The following ANGPTL3 variants were observed in gnomAD, a reference collection of about 807,000 sequenced individuals.
The protein encoded by ANGPTL3 is angiopoietin-related protein 3.
Under a neutral mutation model 52.7 loss-of-function variants are expected in ANGPTL3, and 51 were observed. The observed-to-expected ratio is 0.97, with a 90% confidence interval of 0.77 to 1.22. The LOEUF (loss-of-function observed/expected upper bound fraction) is 1.22, where lower values mean the gene tolerates loss of function less well. ANGPTL3 is among the 50% of genes most tolerant of loss of function. The pLI is 0.00. For missense variants in ANGPTL3, 506 were observed against 520.7 expected (o/e 0.97, Z 0.27); for synonymous variants, 185 against 179.8 (o/e 1.03, Z -0.23).
intron 4 of ANGPTL3, 128 bp downstream of exon 4, chr1:62,602,010 A>G (rs1340809775): frequency 1.6e-6 from 1 of 627,736 alleles, no homozygotes; most frequent in Admixed American, 2.8e-5. Flanking sequence ...TCGTATAAAT[A>G]TAATACTTTT....
rs768908074 is a variant in ANGPTL3 at position 62,602,266 on chromosome 1, T to C, written c.836-19T>C. 1 of 1,570,286 alleles carries C rather than the reference T, an allele frequency of 6.4e-7. No homozygotes were observed. Among genetic ancestry groups the C allele is most frequent in the Non-Finnish European group, 8.8e-7 (1 of 1,141,952 alleles). The stretch of plus-strand genomic sequence containing the variant: ...ACATAAATCTACTAAAAATACATGA[T>C]TTCATTCATTATATTCAGGTAGTCC... On this transcript the variant is annotated intron_variant, in intron 4 of 6. Transcript: ENST00000371129.
intron 5 of ANGPTL3, 68 bp downstream of exon 5, chr1:62,602,448 GGACC>G: frequency 1.4e-6 from 2 of 1,388,200 alleles, no homozygotes; most frequent in South Asian, 2.3e-5. Context: ...AACCTCTTAT[GGACC>G]AGGTATTAGG....
chr1:62,601,231 AT>A (rs1188558496), intron 3 of ANGPTL3, 35 bp downstream of exon 3: 1 of 1,363,918 alleles, frequency 7.3e-7, no homozygotes, highest in Non-Finnish European at 1.0e-6. Flanking sequence ...TCTTGAAGCT[AT>A]TATTATCAAA....
At chr1:62,601,621 C>A in intron 3 of ANGPTL3, 148 bp from the exon 4 acceptor site, 1 of 572,632 alleles carries the variant, frequency 1.7e-6, no homozygotes, top group Middle Eastern at 4.5e-4. Flanking sequence ...TTAAATAACA[C>A]GCCATCTAAG....
In ANGPTL3 at chr1:62,598,787, T is replaced by C. The variant is rs201826477; in HGVS notation, c.587T>C (p.Ile196Thr). The C allele has an allele frequency of 2.4e-5, 39 of 1,601,394 alleles. No homozygotes were observed. In the East Asian group the frequency reaches 8.1e-4, roughly 33 times the overall value. Residue 196 changes from isoleucine to threonine, a missense_variant, in exon 2 of 7, where the codon ATA becomes ACA. Physicochemically the swap from Ile to Thr is moderately conservative, Grantham distance 89. Coordinates refer to ENST00000371129, the MANE Select transcript of ANGPTL3 (RefSeq NM_014495.4). ...YKQLNQQHSQ[I>T]KEIENQLRRT... is the part of the protein sequence containing the mutation. ...CAATTAAACCAACAGCATAGTCAAA[T>C]AAAAGAAATAGAAAATCAGGTAAGT...
In ANGPTL3 at chr1:62,606,009, T is replaced by C. The variant is rs897441955; in HGVS notation, c.*1192T>C. ...TATGGTGACCTACCTTTGTCAATAC[T>C]TAGCATTATGTATTTCAAATTATCC... On this transcript the variant is annotated 3_prime_UTR_variant, in exon 7 of 7. Transcript: ENST00000371129. 2 of 152,072 alleles carry C rather than the reference T, an allele frequency of 1.3e-5. No homozygotes were observed. Among genetic ancestry groups the C allele is most frequent in the Non-Finnish European group, 2.9e-5 (2 of 67,950 alleles). The allele number at this position is 152,072 out of a possible 1,614,324, so 9.4% of individuals were successfully genotyped here.
chr1:62,601,028 C>T (rs1650035541), intron 2 of ANGPTL3, 54 bp from the exon 3 acceptor site: 2 of 1,039,148 alleles, frequency 1.9e-6, no homozygotes, highest in South Asian at 2.6e-5. Flanking sequence ...TCAGATTTCC[C>T]CTAATTGTAT....
intron 4 of ANGPTL3, 93 bp from the exon 5 acceptor site, chr1:62,602,192 A>G: frequency 9.7e-7 from 1 of 1,028,206 alleles, no homozygotes; most frequent in South Asian, 1.3e-5. Flanking sequence ...ACCTTACAAA[A>G]CCACCAATTA....
At chr1:62,598,157 C>A in intron 1 of ANGPTL3, 96 bp downstream of exon 1, 1 of 1,151,434 alleles carries the variant, frequency 8.7e-7, no homozygotes, top group East Asian at 2.7e-5. Context: ...TACTTTGTTG[C>A]ATTGTTGAAA....
intron 4 of ANGPTL3, among the ~76,000 whole-genome samples, 186 bp from the exon 5 acceptor site, chr1:62,602,099 T>C (rs1016095138): frequency 1.3e-5 from 2 of 151,842 alleles, no homozygotes; most frequent in East Asian, 1.9e-4. Flanking sequence ...AAGTTTACTA[T>C]GCCAAAATTC....
At position 62,604,726 on chromosome 1, in the gene ANGPTL3, GATT is replaced by G; in HGVS notation, c.1295_1297del (p.Leu432del). On this transcript the variant is annotated inframe_deletion, in exon 7 of 7. Transcript: ENST00000371129. ...AAATCTAAGCCAGAGAGGAGAAGAG[GATT>G]ATCTTGGAAGTCTCAAAATGGAAGG... The G allele has an allele frequency of 6.2e-7, 1 of 1,613,140 alleles. No homozygotes were observed. The highest frequency in any genetic ancestry group is 8.5e-7 in the Non-Finnish European group (1 of 1,179,380).
At position 62,601,842 on chromosome 1, in the gene ANGPTL3, C is replaced by T. The variant is rs746000132; in HGVS notation, c.795C>T (p.Ser265=). 1 of 1,610,058 alleles carries T rather than the reference C, an allele frequency of 6.2e-7. No homozygotes were observed. Among genetic ancestry groups the T allele is most frequent in the Non-Finnish European group, 8.5e-7 (1 of 1,177,174 alleles). Residue 265 remains serine, a synonymous_variant, in exon 4 of 7, where the codon AGC becomes AGT. Transcript: ENST00000371129. The stretch of plus-strand genomic sequence containing the variant: ...GTGGCATGTATGCCATCAGACCCAG[C>T]AACTCTCAAGTTTTTCATGTCTACT... ...HTSGMYAIRP[S]NSQVFHVYCD...
chr1:62,604,389 T>C, intron 6 of ANGPTL3, 154 bp downstream of exon 6: 1 of 982,102 alleles, frequency 1.0e-6, no homozygotes, highest in Non-Finnish European at 1.5e-6. Flanking sequence ...ATGAAAGTGT[T>C]CATTCTAGTT....
In ANGPTL3 at chr1:62,604,360, C is replaced by T. The variant is rs376536616; in HGVS notation, c.1198+125C>T. The T allele has an allele frequency of 1.4e-4, 164 of 1,186,578 alleles. 1 individual carries two copies. The East Asian group carries it at 3.2e-3, about 23-fold the overall frequency. The allele number at this position is 1,186,578 out of a possible 1,614,324, so 73.5% of individuals were successfully genotyped here. A position where few individuals can be genotyped will look rare whatever the true frequency, so the allele number is the denominator to read the frequency against. ...CCCAAATAAGCGTTTTCTCTCTAGA[C>T]GAAAACCTCTTAACTATAATGAAAG... On this transcript the variant is annotated intron_variant, in intron 6 of 6. Transcript: ENST00000371129.
intron 5 of ANGPTL3, among the ~76,000 whole-genome samples, chr1:62,602,928 A>G (rs1650366495): frequency 6.6e-6 from 1 of 151,904 alleles, no homozygotes; most frequent in Non-Finnish European, 1.5e-5. Context: ...TAAAATAAGC[A>G]AGATAAAATA....
intron 2 of ANGPTL3, among the ~76,000 whole-genome samples, chr1:62,599,990 A>T (rs1465538640): frequency 2.6e-5 from 4 of 152,002 alleles, no homozygotes; most frequent in Non-Finnish European, 5.9e-5. Context: ...CATTTTCAAG[A>T]GATATAAAAC....
In ANGPTL3 at chr1:62,604,130, A is replaced by T. The variant is rs752084515; in HGVS notation, c.1093A>T (p.Ile365Phe). The T allele has an allele frequency of 1.2e-6, 2 of 1,613,430 alleles. No individual in the cohort carries two copies. Among genetic ancestry groups the T allele is most frequent in the East Asian group, 2.2e-5 (1 of 44,836 alleles). Residue 365 changes from isoleucine (I) to phenylalanine (F), a missense_variant, in exon 6 of 7, where the codon ATT becomes TTT. Transcript: ENST00000371129. ...ETNYTLHLVA[I>F]TGNVPNAIPE... ...CAACTATACGCTACATCTAGTTGCGATTACTGGCAATGTCCCCAATGCAAT... is the reference window on the plus strand; with the variant it reads ...CAACTATACGCTACATCTAGTTGCGTTTACTGGCAATGTCCCCAATGCAAT...
rs17123728 is a variant in ANGPTL3 at position 62,602,628 on chromosome 1, G to A, written c.931+248G>A. 0.053 allele frequency among the ~76,000 whole-genome samples: 8,008 copies of A among 151,282 alleles called. 281 individuals are homozygous for A. The highest frequency in any genetic ancestry group is 0.11 in the Admixed American group (1,646 of 15,170). On this transcript the variant is annotated intron_variant, in intron 5 of 6. Coordinates refer to ENST00000371129, the MANE Select transcript of ANGPTL3 (RefSeq NM_014495.4). ...TATACTTATCACAATTTAATTCCACGGCTTACAATGATCATAACTATAATT... is the reference window on the plus strand; with the variant it reads ...TATACTTATCACAATTTAATTCCACAGCTTACAATGATCATAACTATAATT...
rs759491919 is a variant in ANGPTL3, at chr1:62,597,723, T to C, written c.157T>C (p.Leu53=). The C allele has an allele frequency of 6.2e-7, 1 of 1,613,604 alleles. No individual in the cohort carries two copies. Among genetic ancestry groups the C allele is most frequent in the Non-Finnish European group, 8.5e-7 (1 of 1,179,718 alleles). ...AATTTTAGCCAATGGCCTCCTTCAG[T>C]TGGGACATGGTCTTAAAGACTTTGT... is the stretch of plus-strand genomic sequence containing the variant. ...VKILANGLLQ[L]GHGLKDFVHK... Residue 53 remains leucine (L), a synonymous_variant, in exon 1 of 7, where the codon TTG becomes CTG. Transcript: ENST00000371129.
Sources: gnomAD v4.1 joint callset for allele counts (sites outside exome capture counted in the v4.1 genomes callset) on GRCh38, gnomAD v4.1.1 for gene constraint, MANE v1.5 for transcripts, NCBI Gene and HGNC (gene_info 2026-07-23, HGNC 2026-07-21) for gene names.